PCDHGA2: variants seen among roughly 807,000 people sequenced by gnomAD.
PCDHGA2 encodes protocadherin gamma subfamily A, 2, also known as protocadherin gamma-A2.
PCDHGA2 carries 40 observed loss-of-function variants against 59.2 expected under a neutral mutation model. The observed-to-expected ratio is 0.68, with a 90% CI of 0.52 to 0.88. The LOEUF is 0.88. Ranked by LOEUF, PCDHGA2 falls within the 40% of genes least tolerant of loss-of-function variation. PCDHGA2 has a pLI of 0.00. For synonymous variants in PCDHGA2, 560 were observed against 526.0 expected, an observed-to-expected ratio of 1.06 and a Z score of -0.89; for missense variants, 1,226 against 1,204.0, an observed-to-expected ratio of 1.02 and a Z score of -0.27.
intron 2 of PCDHGA2, among the ~76,000 whole-genome samples, chr5:141,502,866 C>CTTTTT (rs549047197): frequency 1.6e-5 from 2 of 128,044 alleles, no homozygotes; most frequent in Non-Finnish European, 1.6e-5. Flanking sequence ...GACTCTCTGT[C>CTTTTT]TTTTTTTTTT....
At position 141,389,423 on chromosome 5, in the gene PCDHGA2, C is replaced by G. The variant is rs779826135; in HGVS notation, c.2424+48028C>G. 11 of 1,613,516 alleles carry G rather than the reference C, an allele frequency of 6.8e-6. No individual in the cohort carries two copies. The highest frequency in any genetic ancestry group is 9.3e-6 in the Non-Finnish European group (11 of 1,179,902). ...TAAGCGCGGAGAGCGGGGTGGTGTT[C>G]GCGCAGCGCGCCTTCGACCACGAGC... On this transcript the variant is annotated intron_variant, in intron 1 of 3. Coordinates refer to ENST00000394576, the MANE Select transcript of PCDHGA2 (RefSeq NM_018915.4).
chr5:141,378,535 T>A (rs1235721694), intron 1 of PCDHGA2: 1 of 152,092 alleles, frequency 6.6e-6, no homozygotes, highest in Non-Finnish European at 1.5e-5. Flanking sequence ...AAAATAATAA[T>A]GATAATTAAT....
At chr5:141,441,730 A>T in intron 1 of PCDHGA2, 1 of 362,750 alleles carries the variant, frequency 2.8e-6, no homozygotes, top group South Asian at 2.2e-5. Context: ...CGCGACCAGG[A>T]CTAGCTCGCG....
Position 141,431,709 on chromosome 5 carries a change from T to G in PCDHGA2, c.2425-63098T>G, listed in dbSNP as rs1561854893. ...CACGAGGAGTCAGGATTCTACCAGA[T>G]GGAAGTGCAAGCAATGGATAATGCA... On this transcript the variant is annotated intron_variant, in intron 1 of 3. Coordinates refer to ENST00000394576, the MANE Select transcript of PCDHGA2 (RefSeq NM_018915.4). The surrounding 1 kb of genome is among the most constrained non-coding windows in gnomAD (Gnocchi z 4.8). The G allele has an allele frequency of 6.2e-7, 1 of 1,614,168 alleles. No individual in the cohort carries two copies. Among genetic ancestry groups the G allele is most frequent in the Middle Eastern group, 1.6e-4 (1 of 6,062 alleles).
At chr5:141,380,140 T>C (rs1776247193) in intron 1 of PCDHGA2, among the ~76,000 whole-genome samples, 1 of 151,998 alleles carries the variant, frequency 6.6e-6, no homozygotes, top group Non-Finnish European at 1.5e-5. Context: ...CCTTAAGTGA[T>C]CCACCCGCCT....
At position 141,485,060 on chromosome 5, in the gene PCDHGA2, G is replaced by A. The variant is rs191055161; in HGVS notation, c.2425-9747G>A. 155 of 862,304 alleles carry A rather than the reference G, an allele frequency of 1.8e-4. No individual in the cohort carries two copies. The African/African-American group carries it at 2.3e-3, about 13-fold the overall frequency. 53.4% of individuals were successfully genotyped at this position (862,304 alleles called of 1,614,324 possible). ...ACCCTTGCGGCGCCGGCCGAACCGCGCCAGAGCTGGCGCGGGGAAAGGGAG... is the reference window on the plus strand; with the variant it reads ...ACCCTTGCGGCGCCGGCCGAACCGCACCAGAGCTGGCGCGGGGAAAGGGAG... On this transcript the variant is annotated intron_variant, in intron 1 of 3. Transcript: ENST00000394576. This position sits in a 1 kb window ranked among gnomAD's most constrained non-coding sequence, Gnocchi z 5.7.
At chr5:141,362,856 C>T (rs1331872357) in intron 1 of PCDHGA2, among the ~76,000 whole-genome samples, 2 of 152,238 alleles carry the variant, frequency 1.3e-5, no homozygotes, top group Non-Finnish European at 2.9e-5. Context: ...ATTAGTTTCA[C>T]CTTCAGGCTC....
intron 1 of PCDHGA2, chr5:141,356,935 C>G (rs757650292): frequency 6.2e-7 from 1 of 1,614,226 alleles, no homozygotes; most frequent in South Asian, 1.1e-5. Flanking sequence ...GGAGCTGGCA[C>G]CCCGCTCCGC....
chr5:141,364,365 A>G, intron 1 of PCDHGA2: 3 of 1,562,826 alleles, frequency 1.9e-6, no homozygotes, highest in Non-Finnish European at 2.6e-6. Context: ...GGCTGCGGAG[A>G]GCTGCTGCTG....
At position 141,490,293 on chromosome 5, in the gene PCDHGA2, ATTG is replaced by A; in HGVS notation, c.2425-4513_2425-4511del. The A allele has an allele frequency of 1.9e-6, 3 of 1,614,190 alleles. No individual in the cohort carries two copies. Among genetic ancestry groups the A allele is most frequent in the Non-Finnish European group, 2.5e-6 (3 of 1,180,028 alleles). On this transcript the variant is annotated intron_variant, in intron 1 of 3. Coordinates refer to ENST00000394576, the MANE Select transcript of PCDHGA2 (RefSeq NM_018915.4). The surrounding 1 kb of genome is among the most constrained non-coding windows in gnomAD (Gnocchi z 5.4). ...TCAATGACAATGCCCCAGAGGTGCTATTGGCCTCTTTGGCCAACCCTGTCCTAG... is the reference window on the plus strand; with the variant it reads ...TCAATGACAATGCCCCAGAGGTGCTAGCCTCTTTGGCCAACCCTGTCCTAG...
chr5:141,342,157 C>T (rs1757129341), intron 1 of PCDHGA2: 1 of 151,902 alleles, frequency 6.6e-6, no homozygotes. Flanking sequence ...GTATTTTAAT[C>T]TTTAAAATAA....
chr5:141,340,033 C>T lies in PCDHGA2; in HGVS notation c.1062C>T (p.Ser354=). The change falls in exon 1 of 4, where the codon AGC becomes AGT. Residue 354 remains serine, a synonymous_variant. Coordinates refer to ENST00000394576, the MANE Select transcript of PCDHGA2 (RefSeq NM_018915.4). ...AATTTTACATGACATCTGCTACTAGCTCAGTTTCTGAAGACTCTCTTCCAG... is the reference window on the plus strand; with the variant it reads ...AATTTTACATGACATCTGCTACTAGTTCAGTTTCTGAAGACTCTCTTCCAG... The part of the protein sequence containing the change: ...APEFYMTSAT[S]SVSEDSLPGT... The T allele has an allele frequency of 1.2e-6, 2 of 1,614,138 alleles. No homozygotes were observed. The highest frequency in any genetic ancestry group is 1.7e-6 in the Non-Finnish European group (2 of 1,180,022).
intron 1 of PCDHGA2, chr5:141,382,881 C>G (rs780011802): frequency 6.5e-7 from 1 of 1,527,170 alleles, no homozygotes; most frequent in South Asian, 1.3e-5. Context: ...GGCGCCTAAG[C>G]AAGAGAAGCA....
In PCDHGA2 at chr5:141,399,312, A is replaced by C. The variant is rs142753281; in HGVS notation, c.2424+57917A>C. 774 of 1,613,972 alleles carry C rather than the reference A, an allele frequency of 4.8e-4. 4 individuals carry two copies. The African/African-American group carries it at 8.9e-3, about 19-fold the overall frequency. ...CTTTTAAGATTATCTCTTCATCCAAAAATTCGTATAAGTTGGTAACAGATG... is the reference window on the plus strand; with the variant it reads ...CTTTTAAGATTATCTCTTCATCCAACAATTCGTATAAGTTGGTAACAGATG... On this transcript the variant is annotated intron_variant, in intron 1 of 3. Transcript: ENST00000394576.
chr5:141,372,396 T>C (rs1039579304), intron 1 of PCDHGA2: 1 of 1,614,052 alleles, frequency 6.2e-7, no homozygotes, highest in Non-Finnish European at 8.5e-7. Context: ...CGCAGATAGC[T>C]TGCAAGAGAT....
intron 1 of PCDHGA2, chr5:141,360,248 C>T (rs765556005): frequency 6.2e-7 from 1 of 1,613,920 alleles, no homozygotes; most frequent in South Asian, 1.1e-5. Context: ...TATTCAATTC[C>T]AGAGGAGCTG....
At chr5:141,468,487 G>A (rs945439990) in intron 1 of PCDHGA2, 6 of 152,110 alleles carry the variant, frequency 3.9e-5, no homozygotes, top group African/African-American at 1.4e-4. Context: ...TAGGTCTCAT[G>A]GAAGATTTTC....
chr5:141,339,862 A>T lies in PCDHGA2; in HGVS notation c.891A>T (p.Thr297=). 1 of 1,614,158 alleles carries T rather than the reference A, an allele frequency of 6.2e-7. No individual in the cohort carries two copies. Among genetic ancestry groups the T allele is most frequent in the Admixed American group, 1.7e-5 (1 of 60,034 alleles). Residue 297 remains threonine (T), a synonymous_variant, in exon 1 of 4, where the codon ACA becomes ACT. Coordinates refer to ENST00000394576, the MANE Select transcript of PCDHGA2 (RefSeq NM_018915.4). The stretch of plus-strand genomic sequence containing the variant: ...CAGAGGTATTTGAGCTTAAGTCAAC[A>T]TCTGGAGAACTGACAATCATAAAAG... The part of the protein sequence containing the change: ...ETSEVFELKS[T]SGELTIIKDL...
intron 1 of PCDHGA2, among the ~76,000 whole-genome samples, chr5:141,425,103 A>G (rs894147422): frequency 1.3e-5 from 2 of 152,202 alleles, no homozygotes; most frequent in Non-Finnish European, 2.9e-5. Flanking sequence ...CTTCCAACAG[A>G]TGCCTACATT....
Sources: allele counts gnomAD v4.1 joint callset (sites outside exome capture counted in the v4.1 genomes callset), GRCh38; gene constraint gnomAD v4.1.1; non-coding constraint Gnocchi (gnomAD v3.1); transcripts MANE v1.5; gene names NCBI Gene and HGNC (gene_info 2026-07-23, HGNC 2026-07-21).